SDK1: variants seen among roughly 807,000 people sequenced by gnomAD.
SDK1 encodes the protein protein sidekick-1.
A neutral mutation model predicts 245.5 loss-of-function variants in SDK1; 157 were observed. The ratio of observed to expected loss-of-function variants is 0.64; its 90% confidence interval spans 0.56 to 0.73. The LOEUF (loss-of-function observed/expected upper bound fraction) is 0.73, where lower values mean the gene tolerates loss of function less well. Ranked by LOEUF, SDK1 falls within the 30% of genes least tolerant of loss-of-function variation. SDK1 has a pLI of 0.00. For missense variants in SDK1, 3,583 were observed against 3,002.3 expected (o/e 1.19, Z -4.52); for synonymous variants, 1,647 against 1,278.5 (o/e 1.29, Z -6.15).
intron 23 of SDK1, among the ~76,000 whole-genome samples, chr7:4,112,578 A>C (rs1783417021): frequency 6.6e-6 from 1 of 152,096 alleles, no homozygotes. Context: ...AGCTACTTGC[A>C]CTTTAACCCC....
At chr7:3,913,098 C>G (rs1779234944) in intron 5 of SDK1, among the ~76,000 whole-genome samples, 1 of 152,048 alleles carries the variant, frequency 6.6e-6, no homozygotes, top group Non-Finnish European at 1.5e-5. Flanking sequence ...AAGGAGTTGC[C>G]TGAAGGAAGC....
At chr7:3,718,710 T>C (rs1785276374) in intron 4 of SDK1, among the ~76,000 whole-genome samples, 2 of 152,164 alleles carry the variant, frequency 1.3e-5, no homozygotes, top group South Asian at 2.1e-4. Flanking sequence ...AGAAGGTGAA[T>C]GCTTTTTCCC....
chr7:3,427,930 TAGTC>T lies in SDK1; in HGVS notation c.298+126049_298+126052del, dbSNP rs1477625991. ...TAGTGTCTCTTAGATGTCATTCCCA[TAGTC>T]AGCTATTTCTTCTCTAAACGTCGTT... is the stretch of plus-strand genomic sequence containing the variant. On this transcript the variant is annotated intron_variant, in intron 1 of 44. Transcript: ENST00000404826. Among the ~76,000 whole-genome samples the T allele has an allele frequency of 2.6e-5, 4 of 152,100 alleles. No individual in the cohort carries two copies. The East Asian group carries it at 7.7e-4, about 29-fold the overall frequency.
chr7:3,897,238 C>A (rs547195754), intron 5 of SDK1, among the ~76,000 whole-genome samples: 1 of 152,312 alleles, frequency 6.6e-6, no homozygotes, highest in South Asian at 2.1e-4. Context: ...TTTTAAGTCT[C>A]CCGTTCAGTA....
At chr7:3,431,176 C>T (rs1779834694) in intron 1 of SDK1, among the ~76,000 whole-genome samples, 1 of 152,122 alleles carries the variant, frequency 6.6e-6, no homozygotes, top group South Asian at 2.1e-4. Context: ...GCTGGGATTA[C>T]AGGCGTGAGG....
intron 1 of SDK1, among the ~76,000 whole-genome samples, chr7:3,448,273 C>A (rs543807502): frequency 2.6e-5 from 4 of 151,988 alleles, no homozygotes; most frequent in Non-Finnish European, 1.5e-5. Flanking sequence ...TGAAGTTGAA[C>A]GGCTTATGTT....
At chr7:3,983,730 T>C (rs1249663402) in intron 13 of SDK1, among the ~76,000 whole-genome samples, 3 of 152,122 alleles carry the variant, frequency 2.0e-5, no homozygotes, top group Non-Finnish European at 4.4e-5. Flanking sequence ...ACAAGAGATA[T>C]TATCAAGGGG....
At chr7:3,773,006 G>A (rs950404557) in intron 4 of SDK1, among the ~76,000 whole-genome samples, 25 of 152,172 alleles carry the variant, frequency 1.6e-4, no homozygotes, top group Admixed American at 1.4e-3. Flanking sequence ...TAATTACAAC[G>A]TGTCTCAATG....
intron 1 of SDK1, among the ~76,000 whole-genome samples, chr7:3,455,660 C>G (rs950297282): frequency 6.6e-6 from 1 of 152,092 alleles, no homozygotes; most frequent in Non-Finnish European, 1.5e-5. Flanking sequence ...TCCACCGATA[C>G]CACACAGTTT....
chr7:3,655,307 C>T (rs1783128625), intron 4 of SDK1, among the ~76,000 whole-genome samples: 1 of 150,812 alleles, frequency 6.6e-6, no homozygotes, highest in Non-Finnish European at 1.5e-5. Flanking sequence ...GTGGCGGGTG[C>T]TTGTAATCCC....
chr7:3,877,363 G>A (rs561015624), intron 5 of SDK1, among the ~76,000 whole-genome samples: 8 of 152,304 alleles, frequency 5.3e-5, no homozygotes, highest in African/African-American at 1.9e-4. Context: ...CACATAGTAG[G>A]CCCTCAGCAG....
chr7:4,134,046 G>A (rs998677293), intron 28 of SDK1, among the ~76,000 whole-genome samples: 31 of 152,154 alleles, frequency 2.0e-4, no homozygotes, highest in African/African-American at 7.0e-4. Flanking sequence ...GGAAAGCTGC[G>A]CAATCAGATT....
intron 4 of SDK1, among the ~76,000 whole-genome samples, chr7:3,667,254 A>C (rs1278849982): frequency 2.6e-5 from 4 of 152,234 alleles, no homozygotes; most frequent in Non-Finnish European, 5.9e-5. Context: ...TATTATTATA[A>C]AAAACACACA....
chr7:3,827,696 C>A (rs1779811213), intron 5 of SDK1, among the ~76,000 whole-genome samples: 1 of 152,184 alleles, frequency 6.6e-6, no homozygotes, highest in African/African-American at 2.4e-5. Context: ...GGTGCAGGGC[C>A]ATGTCAGTGG....
At chr7:3,920,109 G>A (rs1044497432) in intron 5 of SDK1, among the ~76,000 whole-genome samples, 2 of 152,182 alleles carry the variant, frequency 1.3e-5, no homozygotes, top group East Asian at 1.9e-4. Flanking sequence ...CTCAGGAATG[G>A]CGGTGAGTTC....
chr7:3,835,644 G>C (rs1780014140), intron 5 of SDK1, among the ~76,000 whole-genome samples: 1 of 152,074 alleles, frequency 6.6e-6, no homozygotes, highest in African/African-American at 2.4e-5. Context: ...TCATCTCTCT[G>C]TCCATCTGTG....
intron 4 of SDK1, among the ~76,000 whole-genome samples, chr7:3,808,262 G>T (rs1583435414): frequency 6.6e-6 from 1 of 152,300 alleles, no homozygotes; most frequent in East Asian, 1.9e-4. Context: ...AGAGTTGACG[G>T]GGAGCATGGT....
At chr7:3,674,312 TGAGAAGGAAG>T (rs1783820514) in intron 4 of SDK1, among the ~76,000 whole-genome samples, 1 of 151,786 alleles carries the variant, frequency 6.6e-6, no homozygotes, top group Non-Finnish European at 1.5e-5. Flanking sequence ...AGCATGGTAA[TGAGAAGGAAG>T]GAGGGCATCT....
At chr7:3,390,226 C>T (rs556179672) in intron 1 of SDK1, among the ~76,000 whole-genome samples, 45 of 152,238 alleles carry the variant, frequency 3.0e-4, no homozygotes, top group Non-Finnish European at 5.7e-4. Flanking sequence ...CCAGGGTGCC[C>T]TTTCTGACAG....
Sources: gnomAD v4.1 joint callset for allele counts (sites outside exome capture counted in the v4.1 genomes callset) on GRCh38, gnomAD v4.1.1 for gene constraint, MANE v1.5 for transcripts, NCBI Gene and HGNC (gene_info 2026-07-23, HGNC 2026-07-21) for gene names.